Variants in SCN4B observed in about 807,000 individuals in gnomAD.
The protein encoded by SCN4B is sodium channel regulatory subunit beta-4.
A neutral mutation model predicts 19.6 loss-of-function variants in SCN4B; 20 were observed. The observed-to-expected ratio is 1.02, with a 90% confidence interval of 0.72 to 1.48. SCN4B has a LOEUF of 1.48. SCN4B is among the 40% of genes most tolerant of loss of function. The pLI is 0.00. For missense variants in SCN4B, 271 were observed against 287.5 expected (o/e 0.94, Z 0.42); for synonymous variants, 127 against 122.8 (o/e 1.03, Z -0.22).
chr11:118,141,523 T>C (rs1369968133), intron 3 of SCN4B, 187 bp from the exon 4 acceptor site: 8 of 675,936 alleles, frequency 1.2e-5, no homozygotes, highest in Admixed American at 2.2e-5. Context: ...GCATGGCATC[T>C]ATCAGGCTAG....
intron 1 of SCN4B, chr11:118,145,672 A>T (rs1035843692): frequency 4.9e-5 from 16 of 325,562 alleles, no homozygotes; most frequent in Non-Finnish European, 9.5e-5. Context: ...CCAGGTTTTC[A>T]GGACTGACGG....
rs1253763602 is a variant in SCN4B, at chr11:118,134,271, G to A, written c.*2756C>T. The A allele has an allele frequency of 8.8e-6, 4 of 453,946 alleles. No individual in the cohort carries two copies. The highest frequency in any genetic ancestry group is 2.0e-5 in the African/African-American group (1 of 49,974). The allele number at this position is 453,946 out of a possible 1,614,324, so 28.1% of individuals were successfully genotyped here. A position where few individuals can be genotyped will look rare whatever the true frequency, so the allele number is the denominator to read the frequency against. ...AGCTCAGAACTTTGTCTTTAGTCTC[G>A]CTGACATCACTCAGCCCAGCTGCAT... is the stretch of plus-strand genomic sequence containing the variant. On this transcript the variant is annotated 3_prime_UTR_variant, in exon 5 of 5. Transcript: ENST00000324727.
chr11:118,141,139 G>C, intron 4 of SCN4B, 68 bp downstream of exon 4: 1 of 1,598,584 alleles, frequency 6.3e-7, no homozygotes, highest in Non-Finnish European at 8.6e-7. Flanking sequence ...AAGGCTGAAA[G>C]CTGGTGGGGG....
chr11:118,136,535 C>A lies in SCN4B; in HGVS notation c.*492G>T, dbSNP rs760666286. On this transcript the variant is annotated 3_prime_UTR_variant, in exon 5 of 5. Transcript: ENST00000324727. ...GGCAGTCTCTCACTGTGGGCCTGCC[C>A]CCATCAGCCCCCACCCCAGGTCTTC... 27 of 453,962 alleles carry A rather than the reference C, an allele frequency of 5.9e-5. 1 individual carries two copies. The highest frequency in any genetic ancestry group is 4.2e-4 in the South Asian group (27 of 64,470). 28.1% of individuals were successfully genotyped at this position (453,962 alleles called of 1,614,324 possible).
intron 4 of SCN4B, among the ~76,000 whole-genome samples, chr11:118,140,895 G>A (rs140785079): frequency 3.5e-4 from 53 of 152,234 alleles, no homozygotes; most frequent in African/African-American, 1.2e-3. Flanking sequence ...TAAGGCTCTC[G>A]GTTGGGTGGT....
At chr11:118,146,011 G>A (rs1298197589) in intron 1 of SCN4B, among the ~76,000 whole-genome samples, 18 of 151,978 alleles carry the variant, frequency 1.2e-4, no homozygotes, top group Admixed American at 1.0e-3. Flanking sequence ...GGGTGGGAAA[G>A]TCAGTGGCAG....
At chr11:118,149,265 C>T (rs1332110599) in intron 1 of SCN4B, among the ~76,000 whole-genome samples, 1 of 152,226 alleles carries the variant, frequency 6.6e-6, no homozygotes, top group Non-Finnish European at 1.5e-5. Flanking sequence ...CTCACAGCCA[C>T]CCCAGGATGC....
chr11:118,152,641 C>T lies in SCN4B; in HGVS notation c.33G>A (p.Pro11=), dbSNP rs755861941. The T allele has an allele frequency of 2.5e-6, 4 of 1,612,142 alleles. No individual in the cohort carries two copies. Among genetic ancestry groups the T allele is most frequent in the Non-Finnish European group, 3.4e-6 (4 of 1,179,004 alleles). The stretch of plus-strand genomic sequence containing the variant: ...AAAGCCCAGTGCCCAGCCATCTCGC[C>T]GGGGCTTTGCCTCCGTCCCCAGCCC... The part of the protein sequence containing the change: MPGAGDGGKA[P]ARWLGTGLLG... Residue 11 remains proline (P), a synonymous_variant, in exon 1 of 5, where the codon CCG becomes CCA. Transcript: ENST00000324727.
chr11:118,147,081 C>G (rs1197592162), intron 1 of SCN4B, among the ~76,000 whole-genome samples: 2 of 152,212 alleles, frequency 1.3e-5, no homozygotes, highest in Non-Finnish European at 2.9e-5. Context: ...TGGAGTGGAG[C>G]CTGAGCTTTT....
Position 118,143,891 on chromosome 11 carries a change from G to A in SCN4B, c.405C>T (p.Asn135=), listed in dbSNP as rs760835725. 1 of 1,613,686 alleles carries A rather than the reference G, an allele frequency of 6.2e-7. No homozygotes were observed. The highest frequency in any genetic ancestry group is 8.5e-7 in the Non-Finnish European group (1 of 1,180,022). ...GGTGCTGGAGATTATTCTCCTTGGG[G>A]TTCTTCACATGGCAGGTGTATTTGC... ...DTGKYTCHVK[N]PKENNLQHHA... Residue 135 remains asparagine (N), a synonymous_variant, in exon 3 of 5, where the codon AAC becomes AAT. Coordinates refer to ENST00000324727, the MANE Select transcript of SCN4B (RefSeq NM_174934.4).
In SCN4B at chr11:118,144,295, G is replaced by C. The variant is rs1948140329; in HGVS notation, c.235-234C>G. ...GGCTAAACCCATTTCCTTTTATTAA[G>C]GTCTCCCTGGAATGCAGCACAGCTC... is the stretch of plus-strand genomic sequence containing the variant. On this transcript the variant is annotated intron_variant, in intron 2 of 4. Transcript: ENST00000324727. Among the ~76,000 whole-genome samples the C allele has an allele frequency of 2.0e-5, 3 of 152,050 alleles. No individual in the cohort carries two copies. In the South Asian group the frequency reaches 6.2e-4, roughly 31 times the overall value.
chr11:118,136,059 TG>T lies in SCN4B; in HGVS notation c.*967del, dbSNP rs1234663677. 1 of 406,136 alleles carries T rather than the reference TG, an allele frequency of 2.5e-6. No homozygotes were observed. Among genetic ancestry groups the T allele is most frequent in the African/African-American group, 2.6e-5 (1 of 39,204 alleles). 25.2% of individuals were successfully genotyped at this position (406,136 alleles called of 1,614,324 possible). A position where few individuals can be genotyped will look rare whatever the true frequency, so the allele number is the denominator to read the frequency against. On this transcript the variant is annotated 3_prime_UTR_variant, in exon 5 of 5. Coordinates refer to ENST00000324727, the MANE Select transcript of SCN4B (RefSeq NM_174934.4). ...CGGTGGGGGGGGGGGAGCGAGCCAATGGGAGGTTGGAGGGTGCAGCCTCTCA... is the reference window on the plus strand; with the variant it reads ...CGGTGGGGGGGGGGGAGCGAGCCAATGGAGGTTGGAGGGTGCAGCCTCTCA...
chr11:118,144,015 G>C lies in SCN4B; in HGVS notation c.281C>G (p.Thr94Arg). The C allele has an allele frequency of 1.2e-6, 2 of 1,614,012 alleles. No homozygotes were observed. Among genetic ancestry groups the C allele is most frequent in the Non-Finnish European group, 8.5e-7 (1 of 1,179,932 alleles). The change falls in exon 3 of 5, where the codon ACG becomes AGG. Residue 94 changes from threonine (T) to arginine (R), a missense_variant. Thr to Arg is a moderately conservative substitution (Grantham distance 71). Coordinates refer to ENST00000324727, the MANE Select transcript of SCN4B (RefSeq NM_174934.4). ...AGTGATGCGGTCATCGTCTTTCAAC[G>C]TCACCTTGGGGTCAGACTTCTCATT... Reference protein sequence around the residue: ...VKNEKSDPKVTLKDDDRITLV... With the variant: ...VKNEKSDPKVRLKDDDRITLV...
rs1412267018 is a variant in SCN4B at position 118,141,460 on chromosome 11, C to A, written c.464-124G>T. On this transcript the variant is annotated intron_variant, in intron 3 of 4. Coordinates refer to ENST00000324727, the MANE Select transcript of SCN4B (RefSeq NM_174934.4). Reference sequence around the variant, plus strand: ...CCCCCTGGCATCCGGGGCACATCCACTCCCAGACCCCCAGCCCTCCCCAGG... The same window carrying A: ...CCCCCTGGCATCCGGGGCACATCCAATCCCAGACCCCCAGCCCTCCCCAGG... The A allele has an allele frequency of 1.7e-5, 19 of 1,132,386 alleles. No individual in the cohort carries two copies. In the Admixed American group the frequency reaches 2.3e-4, roughly 14 times the overall value. The allele number at this position is 1,132,386 out of a possible 1,614,324, so 70.1% of individuals were successfully genotyped here. A position where few individuals can be genotyped will look rare whatever the true frequency, so the allele number is the denominator to read the frequency against.
At position 118,145,293 on chromosome 11, in the gene SCN4B, C is replaced by T. The variant is rs559151027; in HGVS notation, c.62-64G>A. On this transcript the variant is annotated intron_variant, in intron 1 of 4. Transcript: ENST00000324727. ...CAGCCTGGAGCTCTGGAAGGGGATG[C>T]TTAGGCAGGGCGGAGTAGCTTGGCC... 2.6e-4 allele frequency: 412 copies of T among 1,608,984 alleles called. 3 individuals are homozygous for T. The South Asian group carries it at 4.2e-3, about 16-fold the overall frequency.
At chr11:118,138,898 C>T (rs1263534015) in intron 4 of SCN4B, among the ~76,000 whole-genome samples, 1 of 152,168 alleles carries the variant, frequency 6.6e-6, no homozygotes, top group Non-Finnish European at 1.5e-5. Flanking sequence ...CAGTACCTCC[C>T]TGTTCTTGAG....
intron 3 of SCN4B, among the ~76,000 whole-genome samples, chr11:118,143,218 A>T (rs1442765970): frequency 1.3e-5 from 2 of 151,986 alleles, no homozygotes; most frequent in African/African-American, 4.8e-5. Context: ...GCTCCTTTTC[A>T]TATGCACCCT....
Position 118,143,907 on chromosome 11 carries a change from G to T in SCN4B, c.389C>A (p.Thr130Asn). The T allele has an allele frequency of 1.9e-6, 3 of 1,613,940 alleles. No homozygotes were observed. In the South Asian group the frequency reaches 3.3e-5, roughly 18 times the overall value. ...CTCCTTGGGGTTCTTCACATGGCAG[G>T]TGTATTTGCCCGTGTCGCTGAACTC... ...DLEFSDTGKY[T>N]CHVKNPKENN... The change falls in exon 3 of 5, where the codon ACC becomes AAC. Residue 130 changes from threonine (T) to asparagine (N), a missense_variant. Coordinates refer to ENST00000324727, the MANE Select transcript of SCN4B (RefSeq NM_174934.4).
chr11:118,150,946 CAAGTCACT>C (rs1457400305), intron 1 of SCN4B, among the ~76,000 whole-genome samples: 1 of 152,204 alleles, frequency 6.6e-6, no homozygotes, highest in African/African-American at 2.4e-5. Context: ...CTCCCACCTA[CAAGTCACT>C]CTGCTTTCTC....
Sources: gnomAD v4.1 joint callset for allele counts (sites outside exome capture counted in the v4.1 genomes callset) on GRCh38, gnomAD v4.1.1 for gene constraint, MANE v1.5 for transcripts, NCBI Gene and HGNC (gene_info 2026-07-23, HGNC 2026-07-21) for gene names.